AGBL4: variants seen among roughly 807,000 people sequenced by gnomAD.
AGBL4 encodes AGBL carboxypeptidase 4.
A neutral mutation model predicts 66.4 loss-of-function variants in AGBL4; 58 were observed. The ratio of observed to expected loss-of-function variants is 0.87; its 90% CI spans 0.71 to 1.09. AGBL4 has a LOEUF of 1.09. Ranked by LOEUF, AGBL4 falls within the 50% of genes least tolerant of loss-of-function variation. The pLI is 0.00. For synonymous variants in AGBL4, 234 were observed against 222.9 expected (o/e 1.05, Z -0.44); for missense variants, 579 against 631.0 (o/e 0.92, Z 0.88).
chr1:49,983,931 G>A (rs576480508), intron 1 of AGBL4, among the ~76,000 whole-genome samples: 2 of 152,144 alleles, frequency 1.3e-5, no homozygotes, highest in South Asian at 4.1e-4. Flanking sequence ...GACGGGACAG[G>A]TCCAATGTGG....
At chr1:49,981,703 G>A (rs192029292) in intron 1 of AGBL4, among the ~76,000 whole-genome samples, 4 of 152,108 alleles carry the variant, frequency 2.6e-5, no homozygotes, top group Admixed American at 6.6e-5. Flanking sequence ...GATAATAATC[G>A]CATTAACTTT....
At chr1:49,117,277 G>A (rs1645545478) in intron 4 of AGBL4, among the ~76,000 whole-genome samples, 1 of 152,124 alleles carries the variant, frequency 6.6e-6, no homozygotes, top group Non-Finnish European at 1.5e-5. Flanking sequence ...TGGTGTTTTA[G>A]TCATGAAGAC....
At chr1:49,054,760 A>G (rs1204342777) in intron 4 of AGBL4, among the ~76,000 whole-genome samples, 2 of 152,042 alleles carry the variant, frequency 1.3e-5, no homozygotes, top group African/African-American at 4.8e-5. Flanking sequence ...TTACTGTCTG[A>G]CATCAATGTG....
At chr1:49,745,271 A>G (rs376190876) in intron 2 of AGBL4, among the ~76,000 whole-genome samples, 2 of 152,216 alleles carry the variant, frequency 1.3e-5, no homozygotes, top group South Asian at 4.1e-4. Flanking sequence ...TTCACGTTCC[A>G]TAGTTTACCT....
At chr1:48,865,735 C>T (rs910385809) in intron 6 of AGBL4, among the ~76,000 whole-genome samples, 1 of 152,184 alleles carries the variant, frequency 6.6e-6, no homozygotes, top group Non-Finnish European at 1.5e-5. Flanking sequence ...CTCTCCAATT[C>T]ATACTTAGCT....
At chr1:49,342,103 T>G (rs987635975) in intron 3 of AGBL4, among the ~76,000 whole-genome samples, 1 of 152,104 alleles carries the variant, frequency 6.6e-6, no homozygotes, top group East Asian at 1.9e-4. Context: ...CTGGCCTAAG[T>G]TGGTTTGTGT....
intron 3 of AGBL4, among the ~76,000 whole-genome samples, chr1:49,289,919 TA>T (rs894243048): frequency 6.6e-6 from 1 of 152,058 alleles, no homozygotes; most frequent in African/African-American, 2.4e-5. Context: ...AGATTTTCTT[TA>T]AAAGGGTTAA....
intron 9 of AGBL4, among the ~76,000 whole-genome samples, chr1:48,629,050 C>T (rs1301000052): frequency 6.6e-6 from 1 of 152,022 alleles, no homozygotes; most frequent in Non-Finnish European, 1.5e-5. Context: ...AAAATGTGTG[C>T]TGCAGTCAAT....
chr1:48,961,954 T>TATGG (rs1557505043), intron 5 of AGBL4, among the ~76,000 whole-genome samples: 111 of 152,234 alleles, frequency 7.3e-4, no homozygotes, highest in African/African-American at 2.6e-3. Flanking sequence ...TACCAATCCC[T>TATGG]GGGTATGGAT....
At chr1:49,123,592 A>G (rs1295374340) in intron 4 of AGBL4, among the ~76,000 whole-genome samples, 1 of 152,216 alleles carries the variant, frequency 6.6e-6, no homozygotes. Context: ...TGGTATAAGA[A>G]ATAGCCCCAT....
At chr1:48,568,586 C>T (rs966620236) in intron 11 of AGBL4, among the ~76,000 whole-genome samples, 1 of 152,202 alleles carries the variant, frequency 6.6e-6, no homozygotes, top group African/African-American at 2.4e-5. Context: ...CAAAGCAAGT[C>T]ACCTAGGTAT....
chr1:49,948,813 A>G (rs1655803728), intron 1 of AGBL4, among the ~76,000 whole-genome samples: 1 of 151,394 alleles, frequency 6.6e-6, no homozygotes, highest in South Asian at 2.1e-4. Context: ...TATCACCATC[A>G]TTTTTCACGG....
chr1:49,763,215 C>T (rs1392944270), intron 2 of AGBL4, among the ~76,000 whole-genome samples: 2 of 152,128 alleles, frequency 1.3e-5, no homozygotes, highest in South Asian at 2.1e-4. Context: ...TAGACTCTTG[C>T]TTCTGTTCCA....
intron 4 of AGBL4, among the ~76,000 whole-genome samples, chr1:49,142,072 G>C (rs1646128696): frequency 6.6e-6 from 1 of 152,112 alleles, no homozygotes; most frequent in Admixed American, 6.6e-5. Flanking sequence ...GATTCTCATA[G>C]GAGTGAGAAC....
At chr1:49,234,806 C>T (rs1650592026) in intron 4 of AGBL4, among the ~76,000 whole-genome samples, 1 of 152,160 alleles carries the variant, frequency 6.6e-6, no homozygotes, top group African/African-American at 2.4e-5. Flanking sequence ...AAAGGTTGAT[C>T]ACCCTATGCA....
chr1:49,713,878 C>G (rs1279356720), intron 2 of AGBL4, among the ~76,000 whole-genome samples: 1 of 151,946 alleles, frequency 6.6e-6, no homozygotes, highest in Non-Finnish European at 1.5e-5. Context: ...GATCTCCTAC[C>G]TCAGCCTACA....
chr1:49,407,342 C>T (rs1645226362), intron 3 of AGBL4, among the ~76,000 whole-genome samples: 1 of 152,206 alleles, frequency 6.6e-6, no homozygotes, highest in African/African-American at 2.4e-5. Context: ...TGGCTTTCAT[C>T]TACACCACTG....
At chr1:49,924,285 T>A (rs1317817953) in intron 1 of AGBL4, among the ~76,000 whole-genome samples, 1 of 152,026 alleles carries the variant, frequency 6.6e-6, no homozygotes, top group Admixed American at 6.6e-5. Context: ...ACTGGGGCCT[T>A]CTGGAGGATG....
At chr1:49,357,770 A>C (rs1329824453) in intron 3 of AGBL4, among the ~76,000 whole-genome samples, 1 of 152,226 alleles carries the variant, frequency 6.6e-6, no homozygotes, top group Non-Finnish European at 1.5e-5. Context: ...ATTCGTGAAA[A>C]ATAAGGAGAA....
Sources: allele counts gnomAD v4.1 joint callset (sites outside exome capture counted in the v4.1 genomes callset), GRCh38; gene constraint gnomAD v4.1.1; transcripts MANE v1.5; gene names NCBI Gene and HGNC (gene_info 2026-07-23, HGNC 2026-07-21).